SCTR: variants seen among roughly 807,000 people sequenced by gnomAD.
SCTR encodes secretin receptor, also known as pancreatic secretin receptor.
Under a neutral mutation model 60.8 loss-of-function variants are expected in SCTR, and 56 were observed. The observed-to-expected ratio is 0.92, with a 90% CI of 0.74 to 1.15. The LOEUF is 1.15. SCTR is among the 50% of genes most tolerant of loss of function. The pLI, the probability that SCTR is intolerant of heterozygous loss-of-function variation, is 0.00. For missense variants in SCTR, 562 were observed against 550.4 expected, an observed-to-expected ratio of 1.02 and a Z score of -0.21; for synonymous variants, 202 against 217.0, an observed-to-expected ratio of 0.93 and a Z score of 0.61.
chr2:119,456,753 T>C (rs1471469833), intron 7 of SCTR, among the ~76,000 whole-genome samples: 1 of 152,152 alleles, frequency 6.6e-6, no homozygotes, highest in Non-Finnish European at 1.5e-5. Context: ...TTGGTTAAGA[T>C]AAAGTCATAC....
At chr2:119,465,572 C>A (rs1467111828) in intron 5 of SCTR, among the ~76,000 whole-genome samples, 1 of 152,148 alleles carries the variant, frequency 6.6e-6, no homozygotes, top group Non-Finnish European at 1.5e-5. Flanking sequence ...AAGCGACCGG[C>A]CGCAAGTTCT....
chr2:119,514,531 CTT>C (rs2104947555), intron 1 of SCTR, among the ~76,000 whole-genome samples: 1 of 152,250 alleles, frequency 6.6e-6, no homozygotes, highest in African/African-American at 2.4e-5. Flanking sequence ...ATTTTGGACT[CTT>C]AAGTCAAGAT....
intron 1 of SCTR, among the ~76,000 whole-genome samples, chr2:119,506,562 G>A (rs992919287): frequency 3.9e-5 from 6 of 151,942 alleles, no homozygotes; most frequent in Non-Finnish European, 5.9e-5. Flanking sequence ...GTTCACCGCA[G>A]CCTTGAATCC....
At position 119,461,954 on chromosome 2, in the gene SCTR, G is replaced by C. The variant is rs915485289; in HGVS notation, c.683C>G (p.Ala228Gly). The C allele has an allele frequency of 1.2e-6, 2 of 1,613,944 alleles. No individual in the cohort carries two copies. The highest frequency in any genetic ancestry group is 1.7e-6 in the Non-Finnish European group (2 of 1,179,944). ...TTCCACCAGCAGCCAGGAGTAGTTG[G>C]CCATGATGCAGTACTGGAACAGCAC... is the stretch of plus-strand genomic sequence containing the variant. ...VMVLFQYCIM[A>G]NYSWLLVEGL... is the part of the protein sequence containing the mutation. Residue 228 changes from alanine to glycine, a missense_variant, in exon 7 of 13, where the codon GCC becomes GGC. Ala to Gly is a moderately conservative substitution (Grantham distance 60). Coordinates refer to ENST00000019103, the MANE Select transcript of SCTR (RefSeq NM_002980.3).
chr2:119,491,677 A>C (rs573372165), intron 2 of SCTR, among the ~76,000 whole-genome samples: 118 of 152,076 alleles, frequency 7.8e-4, no homozygotes, highest in Middle Eastern at 3.4e-3. Flanking sequence ...ACACCCGGCT[A>C]ATTTTGTATT....
At chr2:119,475,299 G>A (rs1398838950) in intron 3 of SCTR, among the ~76,000 whole-genome samples, 4 of 152,194 alleles carry the variant, frequency 2.6e-5, no homozygotes, top group African/African-American at 7.2e-5. Flanking sequence ...GGCCAGAATC[G>A]AAGGTTATAA....
At chr2:119,505,902 A>G (rs1458653097) in intron 1 of SCTR, among the ~76,000 whole-genome samples, 1 of 152,246 alleles carries the variant, frequency 6.6e-6, no homozygotes, top group Non-Finnish European at 1.5e-5. Flanking sequence ...AAACAAGCAC[A>G]TGAACATGTA....
chr2:119,492,526 G>T lies in SCTR; in HGVS notation c.193+1902C>A, dbSNP rs2579656. Among the ~76,000 whole-genome samples the T allele has an allele frequency of 5.2e-3, 797 of 152,090 alleles. 7 individuals are homozygous for T. The highest frequency in any genetic ancestry group is 0.017 in the African/African-American group (715 of 41,482). On this transcript the variant is annotated intron_variant, in intron 2 of 12. Coordinates refer to ENST00000019103, the MANE Select transcript of SCTR (RefSeq NM_002980.3). ...TGGGTTCTGTTTATTTTTCTTTCCC[G>T]CTGTCTTTCTTTTCAAATGGAAGAA... is the stretch of plus-strand genomic sequence containing the variant.
intron 1 of SCTR, among the ~76,000 whole-genome samples, chr2:119,523,885 A>C (rs1383297231): frequency 2.0e-5 from 3 of 152,178 alleles, no homozygotes; most frequent in Non-Finnish European, 4.4e-5. Context: ...GAGTTTCAGA[A>C]GCCAGACCAG....
At chr2:119,522,382 G>A (rs1245812044) in intron 1 of SCTR, among the ~76,000 whole-genome samples, 1 of 152,186 alleles carries the variant, frequency 6.6e-6, no homozygotes, top group Non-Finnish European at 1.5e-5. Context: ...CAAGAGATCT[G>A]GGTGCTAACC....
At chr2:119,444,342 CAT>C (rs1244846219) in intron 11 of SCTR, among the ~76,000 whole-genome samples, 1 of 143,544 alleles carries the variant, frequency 7.0e-6, no homozygotes, top group African/African-American at 2.5e-5. Flanking sequence ...TATATATACA[CAT>C]ATATACGTAT....
At chr2:119,453,198 T>C (rs1294720132) in intron 8 of SCTR, 89 bp downstream of exon 8, 1 of 1,028,478 alleles carries the variant, frequency 9.7e-7, no homozygotes. Flanking sequence ...AAAAGGCCTT[T>C]CCTAGATAGC....
intron 2 of SCTR, among the ~76,000 whole-genome samples, chr2:119,488,211 T>G (rs1677962313): frequency 6.6e-6 from 1 of 152,224 alleles, no homozygotes; most frequent in African/African-American, 2.4e-5. Context: ...GCAAAACAGA[T>G]CCCAGTGACA....
intron 12 of SCTR, among the ~76,000 whole-genome samples, chr2:119,440,499 T>A (rs1273194133): frequency 6.6e-6 from 1 of 152,212 alleles, no homozygotes; most frequent in East Asian, 1.9e-4. Flanking sequence ...AGAAAGGACT[T>A]GTGCACCTTG....
intron 1 of SCTR, among the ~76,000 whole-genome samples, chr2:119,508,383 C>CTTTTTTTTTTTT (rs34070844): frequency 1.0e-3 from 78 of 77,370 alleles, no homozygotes; most frequent in Non-Finnish European, 1.2e-3. Flanking sequence ...TCTTCTTCTT[C>CTTTTTTTTTTTT]TTTTTTTTTT....
At chr2:119,453,995 C>T (rs923982045) in intron 7 of SCTR, among the ~76,000 whole-genome samples, 10 of 152,184 alleles carry the variant, frequency 6.6e-5, no homozygotes, top group Non-Finnish European at 1.0e-4. Context: ...TCCCCTGAAG[C>T]CCCTCTAAAA....
intron 2 of SCTR, chr2:119,486,593 G>A (rs1677876718): frequency 6.6e-6 from 1 of 152,158 alleles, no homozygotes; most frequent in South Asian, 2.1e-4. Context: ...TCTCGGGAGG[G>A]TAAGGTTATC....
intron 10 of SCTR, 139 bp from the exon 11 acceptor site, chr2:119,447,024 C>G (rs1682960393): frequency 1.1e-6 from 1 of 892,276 alleles, no homozygotes; most frequent in African/African-American, 1.7e-5. Flanking sequence ...TTTTTGTTTT[C>G]ATTTTTTATT....
chr2:119,466,719 C>T (rs1477637863), intron 4 of SCTR, among the ~76,000 whole-genome samples: 1 of 152,122 alleles, frequency 6.6e-6, no homozygotes, highest in African/African-American at 2.4e-5. Flanking sequence ...CCACTGCACT[C>T]CAGCCTGGAT....
Sources: gnomAD v4.1 joint callset for allele counts (sites outside exome capture counted in the v4.1 genomes callset) on GRCh38, gnomAD v4.1.1 for gene constraint, MANE v1.5 for transcripts, NCBI Gene and HGNC (gene_info 2026-07-23, HGNC 2026-07-21) for gene names.